Variants in PLD5 observed in about 807,000 individuals in gnomAD.
The protein encoded by PLD5 is inactive phospholipase D5.
A neutral mutation model predicts 61.1 loss-of-function variants in PLD5; 36 were observed. The ratio of observed to expected loss-of-function variants is 0.59; its 90% confidence interval spans 0.45 to 0.78. The LOEUF (loss-of-function observed/expected upper bound fraction) is 0.78, where lower values mean the gene tolerates loss of function less well. PLD5 is among the 30% of genes least tolerant of loss of function. The pLI is 0.00. For missense variants in PLD5, 515 were observed against 644.4 expected (o/e 0.80, Z 2.17); for synonymous variants, 243 against 242.8 (o/e 1.00, Z -0.01).
At chr1:242,453,862 A>G (rs1572181126) in intron 1 of PLD5, among the ~76,000 whole-genome samples, 1 of 152,080 alleles carries the variant, frequency 6.6e-6, no homozygotes, top group East Asian at 1.9e-4. Context: ...CCCTAGTCCT[A>G]TCTTCCTGTA....
At chr1:242,113,370 G>C (rs1661695103) in intron 7 of PLD5, among the ~76,000 whole-genome samples, 1 of 152,152 alleles carries the variant, frequency 6.6e-6, no homozygotes, top group East Asian at 1.9e-4. Context: ...TGGGATTACA[G>C]GCGTGAGCCA....
At chr1:242,337,786 T>A (rs1351286010) in intron 2 of PLD5, among the ~76,000 whole-genome samples, 1 of 152,216 alleles carries the variant, frequency 6.6e-6, no homozygotes, top group African/African-American at 2.4e-5. Context: ...TGAGTTTAGA[T>A]GACTTCCTCA....
intron 1 of PLD5, among the ~76,000 whole-genome samples, chr1:242,482,797 G>A (rs1294653245): frequency 1.3e-5 from 2 of 152,160 alleles, no homozygotes; most frequent in Admixed American, 6.5e-5. Context: ...AATGTTAAGG[G>A]CAGCCAGAGA....
At chr1:242,439,598 G>A (rs1198097575) in intron 1 of PLD5, among the ~76,000 whole-genome samples, 1 of 152,200 alleles carries the variant, frequency 6.6e-6, no homozygotes, top group African/African-American at 2.4e-5. Context: ...CAGAGAGGAA[G>A]AAAGAAAGGG....
chr1:242,372,691 G>C (rs1307749798), intron 1 of PLD5, among the ~76,000 whole-genome samples: 1 of 152,268 alleles, frequency 6.6e-6, no homozygotes, highest in East Asian at 1.9e-4. Flanking sequence ...AAGAAATGGG[G>C]AAAGGATTCC....
intron 5 of PLD5, chr1:242,210,237 T>C (rs893813037): frequency 6.6e-6 from 1 of 152,212 alleles, no homozygotes; most frequent in East Asian, 1.9e-4. Flanking sequence ...GCCACTCCAG[T>C]GAATACACAA....
At chr1:242,230,110 A>G (rs1223961876) in intron 4 of PLD5, among the ~76,000 whole-genome samples, 1 of 152,154 alleles carries the variant, frequency 6.6e-6, no homozygotes. Flanking sequence ...GCCCCCAAAC[A>G]GCAAAGAATT....
At chr1:242,372,846 GA>G (rs142011001) in intron 1 of PLD5, among the ~76,000 whole-genome samples, 114,853 of 151,520 alleles carry the variant, frequency 0.76, 44,437 homozygotes, top group Non-Finnish European at 0.84. Flanking sequence ...AACCCTAGAA[GA>G]AAACCTAGGC....
At chr1:242,337,348 C>T (rs999805640) in intron 2 of PLD5, among the ~76,000 whole-genome samples, 7 of 152,040 alleles carry the variant, frequency 4.6e-5, no homozygotes, top group Non-Finnish European at 8.8e-5. Context: ...ATAGGCAAAT[C>T]GGCCAGGTGT....
At chr1:242,192,839 C>A (rs2148933565) in intron 5 of PLD5, among the ~76,000 whole-genome samples, 1 of 152,108 alleles carries the variant, frequency 6.6e-6, no homozygotes, top group Admixed American at 6.5e-5. Flanking sequence ...CTTCCTGCCC[C>A]TTCGGCCTAC....
Position 242,288,385 on chromosome 1 carries a change from G to A in PLD5, c.472C>T (p.His158Tyr). 6.2e-7 allele frequency: 1 copy of A among 1,613,050 alleles called. No individual in the cohort carries two copies. The highest frequency in any genetic ancestry group is 8.5e-7 in the Non-Finnish European group (1 of 1,179,684). ...DIVSSHWDLN[H>Y]THPSACQGQR... ...ACCTGACATGCTGATGGATGAGTGTGGTTGAGATCCCAATGGGAAGACACT... is the reference window on the plus strand; with the variant it reads ...ACCTGACATGCTGATGGATGAGTGTAGTTGAGATCCCAATGGGAAGACACT... The change falls in exon 3 of 10, where the codon CAC becomes TAC. Residue 158 changes from histidine to tyrosine, a missense_variant. Physicochemically the swap from His to Tyr is moderately conservative, Grantham distance 83. Transcript: ENST00000536534.
chr1:242,134,327 G>A (rs1356876642), intron 5 of PLD5, among the ~76,000 whole-genome samples: 2 of 152,078 alleles, frequency 1.3e-5, no homozygotes, highest in African/African-American at 4.8e-5. Context: ...GCAGGGTCAG[G>A]CCTGGTTAGC....
intron 8 of PLD5, among the ~76,000 whole-genome samples, chr1:242,106,680 G>A (rs1014806299): frequency 3.3e-5 from 5 of 152,172 alleles, no homozygotes; most frequent in Admixed American, 6.5e-5. Flanking sequence ...GGGTCAGGGC[G>A]ATCTTGGAAG....
chr1:242,130,555 C>T (rs943059204), intron 5 of PLD5, among the ~76,000 whole-genome samples: 2 of 152,208 alleles, frequency 1.3e-5, no homozygotes, highest in African/African-American at 4.8e-5. Context: ...TATTAACTTA[C>T]ATTCCCACCA....
intron 4 of PLD5, among the ~76,000 whole-genome samples, chr1:242,233,200 G>A (rs1671421279): frequency 7.3e-6 from 1 of 137,798 alleles, no homozygotes; most frequent in Non-Finnish European, 1.6e-5. Flanking sequence ...GAAATAAAAG[G>A]CTTATTCATG....
intron 4 of PLD5, among the ~76,000 whole-genome samples, chr1:242,263,450 T>A (rs2149100343): frequency 6.6e-6 from 1 of 150,934 alleles, no homozygotes; most frequent in Non-Finnish European, 1.5e-5. Flanking sequence ...CTGTGATCAT[T>A]TAATATATGT....
chr1:242,152,633 G>T (rs938301423), intron 5 of PLD5, among the ~76,000 whole-genome samples: 7 of 151,900 alleles, frequency 4.6e-5, no homozygotes, highest in Non-Finnish European at 8.8e-5. Flanking sequence ...GTGTTAGTTT[G>T]TTGAGAATGA....
In PLD5 at chr1:242,126,172, C is replaced by T. The variant is rs577388521; in HGVS notation, c.736-1507G>A. On this transcript the variant is annotated intron_variant, in intron 5 of 9. Transcript: ENST00000536534. ...CTGCTGAAAGAATAGATGACACAAA[C>T]AAATGGGAACACATCCCATGCTCAT... Among the ~76,000 whole-genome samples, 4 of 152,218 alleles carry T rather than the reference C, an allele frequency of 2.6e-5. No homozygotes were observed. In the South Asian group the frequency reaches 8.3e-4, roughly 32 times the overall value.
intron 1 of PLD5, among the ~76,000 whole-genome samples, chr1:242,378,795 C>A (rs981325288): frequency 2.6e-5 from 4 of 151,850 alleles, no homozygotes; most frequent in African/African-American, 9.7e-5. Flanking sequence ...GAGCAGAGAT[C>A]ACACCACTGC....
Sources: gnomAD v4.1 joint callset for allele counts (sites outside exome capture counted in the v4.1 genomes callset) on GRCh38, gnomAD v4.1.1 for gene constraint, MANE v1.5 for transcripts, NCBI Gene and HGNC (gene_info 2026-07-23, HGNC 2026-07-21) for gene names.